Variants in ZSWIM4 observed in about 807,000 individuals in gnomAD.
The protein encoded by ZSWIM4 is zinc finger SWIM domain-containing protein 4.
In ZSWIM4, 62 loss-of-function variants were observed where a neutral mutation model predicts 102.5. That is an observed-to-expected ratio of 0.60 (90% CI 0.49 to 0.75). ZSWIM4 has a LOEUF of 0.75. Among genes scored for constraint, ZSWIM4 ranks in the 30% least tolerant of loss-of-function variants. The pLI, the probability that ZSWIM4 is intolerant of heterozygous loss-of-function variation, is 0.00. For synonymous variants in ZSWIM4, 652 were observed against 674.5 expected, an observed-to-expected ratio of 0.97 and a Z score of 0.52; for missense variants, 1,280 against 1,529.6, an observed-to-expected ratio of 0.84 and a Z score of 2.72.
intron 3 of ZSWIM4, among the ~76,000 whole-genome samples, chr19:13,808,590 T>A (rs1042726934): frequency 4.0e-5 from 6 of 151,562 alleles, no homozygotes; most frequent in East Asian, 3.9e-4. Context: ...ACAAAAAAAA[T>A]TGGCAAAGTG....
rs1599600214 is a variant in ZSWIM4 at position 13,814,679 on chromosome 19, C to A, written c.1345C>A (p.Pro449Thr). The change falls in exon 7 of 14, where the codon CCG (proline) becomes ACG (threonine). Residue 449 changes from proline (P) to threonine (T), a missense_variant. Coordinates refer to ENST00000590508, the MANE Select transcript of ZSWIM4 (RefSeq NM_001367834.3). ...SLTGSVGGDK[P>T]TFDPQGRPLW... ...CACAGGCAGCGTGGGTGGGGACAAA[C>A]CGACTTTCGACCCCCAGGGCCGCCC... 3 of 1,282,584 alleles carry A rather than the reference C, an allele frequency of 2.3e-6. No individual in the cohort carries two copies. The highest frequency in any genetic ancestry group is 3.0e-6 in the Non-Finnish European group (3 of 984,154). 79.5% of individuals were successfully genotyped at this position (1,282,584 alleles called of 1,614,324 possible). A position where few individuals can be genotyped will look rare whatever the true frequency, so the allele number is the denominator to read the frequency against.
chr19:13,814,675 C>T lies in ZSWIM4; in HGVS notation c.1341C>T (p.Asp447=). Residue 447 remains aspartate, a synonymous_variant, in exon 7 of 14, where the codon GAC becomes GAT. Transcript: ENST00000590508. ...GCCTCACAGGCAGCGTGGGTGGGGA[C>T]AAACCGACTTTCGACCCCCAGGGCC... ...GPSLTGSVGG[D]KPTFDPQGRP... The T allele has an allele frequency of 2.3e-6, 3 of 1,281,956 alleles. No individual in the cohort carries two copies. Among genetic ancestry groups the T allele is most frequent in the Non-Finnish European group, 3.0e-6 (3 of 983,762 alleles). The allele number at this position is 1,281,956 out of a possible 1,614,324, so 79.4% of individuals were successfully genotyped here.
In ZSWIM4 at chr19:13,825,709, T is replaced by C; in HGVS notation, c.2375T>C (p.Leu792Pro). Residue 792 changes from leucine (L) to proline (P), a missense_variant, in exon 12 of 14, where the codon CTG becomes CCG. Coordinates refer to ENST00000590508, the MANE Select transcript of ZSWIM4 (RefSeq NM_001367834.3). The surrounding 1 kb of genome is among the most constrained non-coding windows in gnomAD (Gnocchi z 4.6). Reference sequence around the variant, plus strand: ...CTGGGCATCGCACTGGAGCTGGGGCTGCAGGTGAGGGCTGCCAGGTGGATG... The same window carrying C: ...CTGGGCATCGCACTGGAGCTGGGGCCGCAGGTGAGGGCTGCCAGGTGGATG... Reference protein sequence around the residue: ...TLLGIALELGLQVMRMTLNVM... With the variant: ...TLLGIALELGPQVMRMTLNVM... 6.2e-7 allele frequency: 1 copy of C among 1,608,334 alleles called. No individual in the cohort carries two copies. The highest frequency in any genetic ancestry group is 8.5e-7 in the Non-Finnish European group (1 of 1,179,326).
At chr19:13,799,098 G>C (rs537827192) in intron 1 of ZSWIM4, among the ~76,000 whole-genome samples, 1 of 151,550 alleles carries the variant, frequency 6.6e-6, no homozygotes. Flanking sequence ...TATTTTTTTT[G>C]AGATGGGATC....
chr19:13,813,064 G>C lies in ZSWIM4; in HGVS notation c.1080G>C (p.Gln360His). 1.2e-6 allele frequency: 2 copies of C among 1,613,958 alleles called. No homozygotes were observed. The highest frequency in any genetic ancestry group is 1.7e-6 in the Non-Finnish European group (2 of 1,179,986). ...CKPEERAGWL[Q>H]LLSRWDKLDV... is the part of the protein sequence containing the mutation. ...CAGAGGAAAGGGCAGGCTGGCTCCA[G>C]CTACTCAGCAGGTGGGACAAGCTCG... Residue 360 changes from glutamine (Q) to histidine (H), a missense_variant, in exon 6 of 14, where the codon CAG becomes CAC. By Grantham distance (24) the Gln-to-His change is conservative. Coordinates refer to ENST00000590508, the MANE Select transcript of ZSWIM4 (RefSeq NM_001367834.3).
At position 13,804,905 on chromosome 19, in the gene ZSWIM4, TGTGACAACC is replaced by T; in HGVS notation, c.471_479del (p.Asn159_Asp161del). ...CAAGATCACGTCCGTGAGCTGCGGC[TGTGACAACC>T]GCGACCTCTTCTACTGTGCCCACGT... On this transcript the variant is annotated inframe_deletion, in exon 3 of 14. Coordinates refer to ENST00000590508, the MANE Select transcript of ZSWIM4 (RefSeq NM_001367834.3). 6.2e-7 allele frequency: 1 copy of T among 1,613,620 alleles called. No homozygotes were observed. Among genetic ancestry groups the T allele is most frequent in the East Asian group, 2.2e-5 (1 of 44,878 alleles).
intron 1 of ZSWIM4, among the ~76,000 whole-genome samples, chr19:13,796,117 C>T (rs938132985): frequency 1.3e-5 from 2 of 151,474 alleles, no homozygotes; most frequent in African/African-American, 4.9e-5. Flanking sequence ...GGCCCGCCTA[C>T]AACCCTGGGC....
chr19:13,798,055 C>T (rs1974658437), intron 1 of ZSWIM4, among the ~76,000 whole-genome samples: 1 of 152,264 alleles, frequency 6.6e-6, no homozygotes, highest in South Asian at 2.1e-4. Context: ...GACAAGCTCA[C>T]ACTAGGTGGC....
chr19:13,830,720 C>T lies in ZSWIM4; in HGVS notation c.2991C>T (p.Ser997=), dbSNP rs1287160892. 8.7e-6 allele frequency: 14 copies of T among 1,607,964 alleles called. No homozygotes were observed. The highest frequency in any genetic ancestry group is 1.2e-5 in the Non-Finnish European group (14 of 1,178,404). Residue 997 remains serine, a synonymous_variant, in exon 14 of 14, where the codon TCC becomes TCT. Coordinates refer to ENST00000590508, the MANE Select transcript of ZSWIM4 (RefSeq NM_001367834.3). ...GCATCCACTGTGCCCCAATGCTGTC[C>T]GATATTCTGCGCCGCTGGACTCTCT... The part of the protein sequence containing the change: ...IRSIHCAPML[S]DILRRWTLSA...
At position 13,799,847 on chromosome 19, in the gene ZSWIM4, A is replaced by T. The variant is rs1406232825; in HGVS notation, c.281A>T (p.His94Leu). Residue 94 changes from histidine (H) to leucine (L), a missense_variant, in exon 2 of 14, where the codon CAC (histidine) becomes CTC (leucine). By Grantham distance (99) the His-to-Leu change is moderately conservative. Transcript: ENST00000590508. ...SLGYPPPEGE[H>L]DARVPFTRGL... ...GGTTACCCGCCCCCAGAGGGCGAGC[A>T]CGATGCCCGGGTGCCCTTTACCCGC... 6.2e-7 allele frequency: 1 copy of T among 1,613,728 alleles called. No individual in the cohort carries two copies. Among genetic ancestry groups the T allele is most frequent in the South Asian group, 1.1e-5 (1 of 91,084 alleles).
chr19:13,803,243 G>T (rs528272948), intron 2 of ZSWIM4, among the ~76,000 whole-genome samples: 2 of 152,234 alleles, frequency 1.3e-5, no homozygotes, highest in Non-Finnish European at 2.9e-5. Context: ...CCCAGGCTGG[G>T]CCTGAGCTGC....
chr19:13,810,546 C>T (rs112625975), intron 5 of ZSWIM4, among the ~76,000 whole-genome samples: 2,777 of 152,160 alleles, frequency 0.018, 83 homozygotes, highest in African/African-American at 0.064. Context: ...CCGCCTCAGC[C>T]TCCCAAAGTG....
chr19:13,799,624 C>T (rs1169288553), intron 1 of ZSWIM4, 96 bp from the exon 2 acceptor site: 23 of 1,256,758 alleles, frequency 1.8e-5, no homozygotes, highest in Non-Finnish European at 2.6e-5. Flanking sequence ...AGGCTGGTCT[C>T]GAACTCTTGG....
intron 6 of ZSWIM4, among the ~76,000 whole-genome samples, chr19:13,813,738 T>C (rs1261348741): frequency 6.6e-6 from 1 of 151,730 alleles, no homozygotes; most frequent in African/African-American, 2.4e-5. Flanking sequence ...CAGAGTAACA[T>C]GGTGAGACCT....
chr19:13,805,468 GGGA>G (rs1168842900), intron 3 of ZSWIM4, among the ~76,000 whole-genome samples: 2 of 151,868 alleles, frequency 1.3e-5, no homozygotes, highest in Admixed American at 6.6e-5. Context: ...TCCTGGGTAT[GGGA>G]GGAGAAGAGG....
intron 6 of ZSWIM4, among the ~76,000 whole-genome samples, chr19:13,813,586 G>A (rs923361392): frequency 7.2e-5 from 11 of 151,922 alleles, no homozygotes; most frequent in African/African-American, 2.4e-4. Flanking sequence ...AGATAGGAAG[G>A]AAGACAGAGA....
At chr19:13,805,582 C>T (rs1974897986) in intron 3 of ZSWIM4, among the ~76,000 whole-genome samples, 1 of 151,466 alleles carries the variant, frequency 6.6e-6, no homozygotes, top group Non-Finnish European at 1.5e-5. Flanking sequence ...TTGGGGGGCT[C>T]CGAGGGGCTT....
Position 13,809,248 on chromosome 19 carries a change from G to T in ZSWIM4, c.1012+28G>T. The T allele has an allele frequency of 6.4e-7, 1 of 1,570,448 alleles. No individual in the cohort carries two copies. Among genetic ancestry groups the T allele is most frequent in the South Asian group, 1.1e-5 (1 of 88,306 alleles). On this transcript the variant is annotated intron_variant, in intron 5 of 13. Coordinates refer to ENST00000590508, the MANE Select transcript of ZSWIM4 (RefSeq NM_001367834.3). This position sits in a 1 kb window ranked among gnomAD's most constrained non-coding sequence, Gnocchi z 4.2. The stretch of plus-strand genomic sequence containing the variant: ...GAGGCCCAAACCCCGGTGCGTGGTG[G>T]ACACCGGGACTTCGGCTCCCATGGG...
intron 7 of ZSWIM4, among the ~76,000 whole-genome samples, chr19:13,815,980 C>T (rs1975272269): frequency 8.6e-6 from 1 of 116,464 alleles, no homozygotes; most frequent in South Asian, 2.7e-4. Flanking sequence ...GAGAGGAGAG[C>T]GAGGAGAGAG....
Sources: gnomAD v4.1 joint callset for allele counts (sites outside exome capture counted in the v4.1 genomes callset) on GRCh38, gnomAD v4.1.1 for gene constraint, Gnocchi (gnomAD v3.1) non-coding constraint, MANE v1.5 for transcripts, NCBI Gene and HGNC (gene_info 2026-07-23, HGNC 2026-07-21) for gene names.